The following AKAP6 variants were observed in gnomAD, a reference collection of about 807,000 sequenced individuals.
AKAP6 encodes the protein A-kinase anchor protein 6.
In AKAP6, 58 loss-of-function variants were observed where a neutral mutation model predicts 188.5. The observed-to-expected ratio is 0.31, with a 90% CI of 0.25 to 0.38. AKAP6 has a LOEUF of 0.38. AKAP6 is among the 10% of genes least tolerant of loss of function. The pLI is 1.00. For missense variants in AKAP6, 2,710 were observed against 2,740.0 expected, an observed-to-expected ratio of 0.99 and a Z score of 0.24; for synonymous variants, 989 against 998.6, an observed-to-expected ratio of 0.99 and a Z score of 0.18.
intron 8 of AKAP6, among the ~76,000 whole-genome samples, chr14:32,683,079 C>A (rs142335957): frequency 6.6e-6 from 1 of 150,548 alleles, no homozygotes. Flanking sequence ...CCGCAACCTC[C>A]GCCTCTTGGG....
chr14:32,341,121 A>G (rs774225413), intron 1 of AKAP6, among the ~76,000 whole-genome samples: 1 of 152,250 alleles, frequency 6.6e-6, no homozygotes, highest in Non-Finnish European at 1.5e-5. Flanking sequence ...GCTTAAACTA[A>G]CAAGCTATTA....
At chr14:32,537,506 G>A (rs1015941310) in intron 3 of AKAP6, among the ~76,000 whole-genome samples, 1 of 152,168 alleles carries the variant, frequency 6.6e-6, no homozygotes, top group African/African-American at 2.4e-5. Context: ...ATAACCTCTA[G>A]AGAGATCTTT....
intron 1 of AKAP6, among the ~76,000 whole-genome samples, chr14:32,359,563 T>TA (rs1491360099): frequency 7.3e-4 from 45 of 61,646 alleles, no homozygotes; most frequent in African/African-American, 4.1e-3. Flanking sequence ...CTGCATAGAC[T>TA]TTTTTTTTTT....
At position 32,476,528 on chromosome 14, in the gene AKAP6, G is replaced by A. The variant is rs146240385; in HGVS notation, c.324+42711G>A. The stretch of plus-strand genomic sequence containing the variant: ...AATAAGATTTTTGTATAGAATGCAA[G>A]TCTCCTACTGGATTTTAGCCCTGTT... On this transcript the variant is annotated intron_variant, in intron 2 of 13. Transcript: ENST00000280979. 2.6e-3 allele frequency among the ~76,000 whole-genome samples: 401 copies of A among 152,312 alleles called. 5 individuals are homozygous for A. Among genetic ancestry groups the A allele is most frequent in the African/African-American group, 9.4e-3 (389 of 41,582 alleles).
intron 5 of AKAP6, among the ~76,000 whole-genome samples, chr14:32,594,235 A>C (rs983825371): frequency 6.6e-6 from 1 of 152,248 alleles, no homozygotes; most frequent in African/African-American, 2.4e-5. Flanking sequence ...CCATAAGATC[A>C]GACCATGGTA....
At chr14:32,374,274 A>G (rs1046119504) in intron 1 of AKAP6, among the ~76,000 whole-genome samples, 3 of 152,236 alleles carry the variant, frequency 2.0e-5, no homozygotes, top group Admixed American at 2.0e-4. Context: ...TAAGTGCTAC[A>G]ATGCAATTGA....
At chr14:32,666,776 CA>C (rs893204632) in intron 7 of AKAP6, among the ~76,000 whole-genome samples, 16 of 151,678 alleles carry the variant, frequency 1.1e-4, no homozygotes, top group African/African-American at 3.9e-4. Flanking sequence ...GGCTTTTTTT[CA>C]AATTGGAAAA....
chr14:32,558,159 T>G (rs747162296), intron 4 of AKAP6, among the ~76,000 whole-genome samples: 9 of 152,198 alleles, frequency 5.9e-5, no homozygotes, highest in Non-Finnish European at 1.2e-4. Flanking sequence ...ATGAGAAGAT[T>G]CAAGAATCCT....
rs2034530996 is a variant in AKAP6, at chr14:32,821,887, G to A, written c.4074G>A (p.Gln1358=). Residue 1358 remains glutamine, a synonymous_variant, in exon 13 of 14, where the codon CAG becomes CAA. Coordinates refer to ENST00000280979, the MANE Select transcript of AKAP6 (RefSeq NM_004274.5). ...CATGTCATGGAGGAGACATGAGCCA[G>A]AATTCAGGCAGTGAGAGTGGAATTG... is the stretch of plus-strand genomic sequence containing the variant. ...PCACHGGDMS[Q]NSGSESGIVS... 6.2e-7 allele frequency: 1 copy of A among 1,613,768 alleles called. No homozygotes were observed. Among genetic ancestry groups the A allele is most frequent in the Non-Finnish European group, 8.5e-7 (1 of 1,179,924 alleles).
intron 11 of AKAP6, among the ~76,000 whole-genome samples, chr14:32,739,914 G>C (rs780874948): frequency 6.6e-6 from 1 of 151,950 alleles, no homozygotes; most frequent in Middle Eastern, 3.2e-3. Context: ...TGGATCATAT[G>C]GTAGCTCTAT....
At chr14:32,549,499 G>A (rs1883358094) in intron 4 of AKAP6, among the ~76,000 whole-genome samples, 1 of 152,124 alleles carries the variant, frequency 6.6e-6, no homozygotes, top group Non-Finnish European at 1.5e-5. Flanking sequence ...TGGAAGGTTT[G>A]TCATCAGAGA....
chr14:32,483,005 A>ATGTGTGTGTG (rs1435446426), intron 2 of AKAP6, among the ~76,000 whole-genome samples: 2,121 of 111,004 alleles, frequency 0.019, 21 homozygotes, highest in African/African-American at 0.029. Flanking sequence ...ATATATATAT[A>ATGTGTGTGTG]TATATATGTA....
intron 1 of AKAP6, among the ~76,000 whole-genome samples, chr14:32,343,544 C>T (rs571997807): frequency 3.6e-4 from 54 of 151,676 alleles, no homozygotes; most frequent in African/African-American, 1.3e-3. Context: ...GTCAGGAGAT[C>T]GAGACCATCC....
chr14:32,405,000 G>A (rs113139169), intron 1 of AKAP6, among the ~76,000 whole-genome samples: 3,223 of 151,584 alleles, frequency 0.021, 107 homozygotes, highest in African/African-American at 0.073. Flanking sequence ...GGCCCCTGAT[G>A]ACAGCTGTGA....
At chr14:32,660,686 A>G (rs1888649233) in intron 7 of AKAP6, among the ~76,000 whole-genome samples, 3 of 152,176 alleles carry the variant, frequency 2.0e-5, no homozygotes, top group Admixed American at 2.0e-4. Flanking sequence ...TACTTTAGGT[A>G]GATATTCGAT....
intron 2 of AKAP6, chr14:32,438,901 T>G (rs1036646762): frequency 2.0e-5 from 3 of 152,184 alleles, no homozygotes; most frequent in Non-Finnish European, 4.4e-5. Context: ...AGGGAGAATA[T>G]TATTTGTTTT....
intron 7 of AKAP6, among the ~76,000 whole-genome samples, chr14:32,675,417 G>T (rs1047477813): frequency 1.3e-5 from 2 of 152,152 alleles, no homozygotes; most frequent in East Asian, 3.8e-4. Context: ...AGTATCCATT[G>T]TTATAGATGC....
intron 1 of AKAP6, among the ~76,000 whole-genome samples, chr14:32,346,556 C>T (rs948743300): frequency 4.6e-5 from 7 of 152,174 alleles, no homozygotes; most frequent in East Asian, 1.9e-4. Flanking sequence ...TCACCCAGGC[C>T]GAACTGCGGT....
intron 2 of AKAP6, among the ~76,000 whole-genome samples, chr14:32,486,511 C>A (rs1282552103): frequency 3.3e-5 from 5 of 152,070 alleles, no homozygotes; most frequent in African/African-American, 1.2e-4. Context: ...GTTTGTAGTT[C>A]TCCTTGAAGA....
Sources: allele counts gnomAD v4.1 joint callset (sites outside exome capture counted in the v4.1 genomes callset), GRCh38; gene constraint gnomAD v4.1.1; transcripts MANE v1.5; gene names NCBI Gene and HGNC (gene_info 2026-07-23, HGNC 2026-07-21).